PLXNA4: variants seen among roughly 807,000 people sequenced by gnomAD.
The protein encoded by PLXNA4 is plexin A4.
Under a neutral mutation model 191.8 loss-of-function variants are expected in PLXNA4, and 44 were observed. That is an observed-to-expected ratio of 0.23 (90% CI 0.18 to 0.29). The LOEUF (loss-of-function observed/expected upper bound fraction) is 0.29. Among genes scored for constraint, PLXNA4 ranks in the 10% least tolerant of loss-of-function variants. PLXNA4 has a pLI of 1.00. For missense variants in PLXNA4, 1,800 were observed against 2,488.8 expected, an observed-to-expected ratio of 0.72 and a Z score of 5.89; for synonymous variants, 1,082 against 1,009.5, an observed-to-expected ratio of 1.07 and a Z score of -1.36.
chr7:132,272,266 C>T (rs1345738972), intron 4 of PLXNA4, among the ~76,000 whole-genome samples: 1 of 152,236 alleles, frequency 6.6e-6, no homozygotes, highest in Non-Finnish European at 1.5e-5. Flanking sequence ...TGCATTTCTA[C>T]AGCCTTAAAT....
chr7:132,523,175 T>C (rs1209883248), intron 1 of PLXNA4, among the ~76,000 whole-genome samples: 2 of 152,038 alleles, frequency 1.3e-5, no homozygotes, highest in African/African-American at 4.8e-5. Flanking sequence ...GAGTTTACAT[T>C]TAATAGGGAG....
At chr7:132,401,727 T>C (rs1169800930) in intron 3 of PLXNA4, among the ~76,000 whole-genome samples, 1 of 152,142 alleles carries the variant, frequency 6.6e-6, no homozygotes, top group Non-Finnish European at 1.5e-5. Context: ...AGAACTGAAC[T>C]TGGGGACAGC....
intron 9 of PLXNA4, among the ~76,000 whole-genome samples, chr7:132,217,872 G>A (rs542278500): frequency 6.6e-6 from 1 of 151,504 alleles, no homozygotes; most frequent in Non-Finnish European, 1.5e-5. Flanking sequence ...GCATGGGTGG[G>A]GAGCGTGTTC....
At chr7:132,540,314 G>C (rs1162059969) in intron 1 of PLXNA4, among the ~76,000 whole-genome samples, 2 of 152,148 alleles carry the variant, frequency 1.3e-5, no homozygotes, top group Non-Finnish European at 2.9e-5. Flanking sequence ...TGGATGTTGC[G>C]AGGGCCAGCT....
intron 24 of PLXNA4, among the ~76,000 whole-genome samples, chr7:132,162,090 C>A (rs1388082469): frequency 6.6e-6 from 1 of 152,212 alleles, no homozygotes; most frequent in African/African-American, 2.4e-5. Flanking sequence ...GACAAGGCTA[C>A]TTTTAGCAGG....
At chr7:132,461,739 T>C (rs375984394) in intron 3 of PLXNA4, among the ~76,000 whole-genome samples, 2 of 152,350 alleles carry the variant, frequency 1.3e-5, no homozygotes, top group East Asian at 3.9e-4. Flanking sequence ...CCTGTATTCA[T>C]TGCTCTAAGA....
At chr7:132,184,561 C>G (rs530705931) in intron 16 of PLXNA4, among the ~76,000 whole-genome samples, 1 of 152,346 alleles carries the variant, frequency 6.6e-6, no homozygotes, top group Admixed American at 6.5e-5. Context: ...CCTAGAGATC[C>G]TGGGATTTCA....
chr7:132,287,401 A>G (rs1459099584), intron 4 of PLXNA4, among the ~76,000 whole-genome samples: 1 of 152,244 alleles, frequency 6.6e-6, no homozygotes, highest in Non-Finnish European at 1.5e-5. Flanking sequence ...GGCACTTTAC[A>G]TATATTAACT....
At chr7:132,273,346 A>G (rs569229977) in intron 4 of PLXNA4, among the ~76,000 whole-genome samples, 2 of 151,600 alleles carry the variant, frequency 1.3e-5, no homozygotes, top group Admixed American at 6.6e-5. Flanking sequence ...ACACACGCAC[A>G]CACACACACA....
chr7:132,206,461 T>TG (rs1242681295), intron 10 of PLXNA4, among the ~76,000 whole-genome samples: 1 of 151,824 alleles, frequency 6.6e-6, no homozygotes, highest in Non-Finnish European at 1.5e-5. Flanking sequence ...TGTGTGTGTG[T>TG]GTGTGTGTGT....
intron 3 of PLXNA4, among the ~76,000 whole-genome samples, chr7:132,461,036 T>C (rs1164552249): frequency 6.6e-6 from 1 of 152,176 alleles, no homozygotes; most frequent in Non-Finnish European, 1.5e-5. Flanking sequence ...AGAAAATGTC[T>C]GGGAAATGTC....
chr7:132,195,490 G>A (rs1562913414), intron 13 of PLXNA4, among the ~76,000 whole-genome samples: 1 of 152,220 alleles, frequency 6.6e-6, no homozygotes, highest in Non-Finnish European at 1.5e-5. Context: ...AACCTGTTGG[G>A]TCGGTTTGTG....
At position 132,148,536 on chromosome 7, in the gene PLXNA4, C is replaced by G; in HGVS notation, c.4764+7G>C. The G allele has an allele frequency of 3.7e-6, 6 of 1,614,088 alleles. No homozygotes were observed. The highest frequency in any genetic ancestry group is 4.2e-6 in the Non-Finnish European group (5 of 1,179,976). ...GCTAGCTCCTCCCCTTTCCACATTC[C>G]CCTCACCTGGTAGTGGGCCAGTGTG... On this transcript the variant is annotated splice_region_variant and intron_variant, in intron 26 of 31. Coordinates refer to ENST00000321063, the MANE Select transcript of PLXNA4 (RefSeq NM_020911.2).
At chr7:132,437,328 C>T (rs1021049802) in intron 3 of PLXNA4, among the ~76,000 whole-genome samples, 2 of 152,274 alleles carry the variant, frequency 1.3e-5, no homozygotes, top group Admixed American at 6.5e-5. Context: ...TAAGTGCAAC[C>T]CCTTAAAGTA....
intron 3 of PLXNA4, among the ~76,000 whole-genome samples, chr7:132,349,740 G>A (rs375678878): frequency 1.2e-4 from 19 of 152,072 alleles, no homozygotes; most frequent in African/African-American, 3.1e-4. Flanking sequence ...TTATATTGAG[G>A]ATGGGTATCC....
rs771409605 is a variant in PLXNA4 at position 132,174,946 on chromosome 7, T to C, written c.3875-26A>G. 6 of 1,612,626 alleles carry C rather than the reference T, an allele frequency of 3.7e-6. No individual in the cohort carries two copies. In the South Asian group the frequency reaches 6.6e-5, roughly 18 times the overall value. On this transcript the variant is annotated intron_variant, in intron 20 of 31. Coordinates refer to ENST00000321063, the MANE Select transcript of PLXNA4 (RefSeq NM_020911.2). The stretch of plus-strand genomic sequence containing the variant: ...CTGGCACGAAGAGAAGCCTGTGAGA[T>C]GGCTGGATGGGGAGGCTCCAGGAGT...
intron 2 of PLXNA4, among the ~76,000 whole-genome samples, chr7:132,611,877 C>T (rs1803052692): frequency 6.6e-6 from 1 of 152,078 alleles, no homozygotes; most frequent in South Asian, 2.1e-4. Context: ...ACATTCTTTC[C>T]CCTAAAAAAG....
At chr7:132,371,283 G>C (rs925456201) in intron 3 of PLXNA4, among the ~76,000 whole-genome samples, 3 of 152,080 alleles carry the variant, frequency 2.0e-5, no homozygotes, top group African/African-American at 7.2e-5. Context: ...GGGCTGTTTG[G>C]GTGGGCAAGG....
At chr7:132,305,997 G>A (rs1376268254) in intron 3 of PLXNA4, among the ~76,000 whole-genome samples, 1 of 152,074 alleles carries the variant, frequency 6.6e-6, no homozygotes, top group Admixed American at 6.5e-5. Context: ...ATGGAGAGGG[G>A]AACAGAGCAA....
Sources: gnomAD v4.1 joint callset for allele counts (sites outside exome capture counted in the v4.1 genomes callset) on GRCh38, gnomAD v4.1.1 for gene constraint, MANE v1.5 for transcripts, NCBI Gene and HGNC (gene_info 2026-07-23, HGNC 2026-07-21) for gene names.